NCKAP5L: variants seen among roughly 807,000 people sequenced by gnomAD.
NCKAP5L encodes the protein nck-associated protein 5-like.
In NCKAP5L, 54 loss-of-function variants were observed where a neutral mutation model predicts 103.2. That is an observed-to-expected ratio of 0.52 (90% CI 0.42 to 0.66). The LOEUF (loss-of-function observed/expected upper bound fraction) is 0.66, where lower values mean the gene tolerates loss of function less well. NCKAP5L is among the 30% of genes least tolerant of loss of function. The pLI is 0.00. For synonymous variants in NCKAP5L, 762 were observed against 748.6 expected (o/e 1.02, Z -0.29); for missense variants, 1,733 against 1,750.6 (o/e 0.99, Z 0.18).
chr12:49,825,131 G>C (rs1349668058), intron 1 of NCKAP5L, among the ~76,000 whole-genome samples: 1 of 152,230 alleles, frequency 6.6e-6, no homozygotes, highest in Non-Finnish European at 1.5e-5. Flanking sequence ...TTTTTAACAT[G>C]AGGGCGTTGG....
rs189423065 is a variant in NCKAP5L, at chr12:49,825,401, A to G, written c.-99+2921T>C. On this transcript the variant is annotated intron_variant, in intron 1 of 12. Coordinates refer to ENST00000335999, the MANE Select transcript of NCKAP5L (RefSeq NM_001037806.4). ...CTGAGAAGCAGGGGCTAGAAAGGGC[A>G]CTTGTTTTGAGAGATGCAGCTCTGG... Among the ~76,000 whole-genome samples the G allele has an allele frequency of 3.3e-5, 5 of 152,276 alleles. No individual in the cohort carries two copies. The East Asian group carries it at 9.6e-4, about 29-fold the overall frequency.
chr12:49,806,692 A>G (rs956390420), intron 1 of NCKAP5L, among the ~76,000 whole-genome samples: 11 of 152,222 alleles, frequency 7.2e-5, no homozygotes, highest in Non-Finnish European at 1.2e-4. Context: ...TCCTCTGCAC[A>G]CACCCAAGCT....
chr12:49,817,915 G>A (rs985712480), intron 1 of NCKAP5L, among the ~76,000 whole-genome samples: 1 of 152,134 alleles, frequency 6.6e-6, no homozygotes, highest in South Asian at 2.1e-4. Flanking sequence ...GATCACATGA[G>A]GTCAGGAGTT....
At chr12:49,820,879 G>A (rs574805713) in intron 1 of NCKAP5L, among the ~76,000 whole-genome samples, 164 of 152,274 alleles carry the variant, frequency 1.1e-3, no homozygotes, top group African/African-American at 3.3e-3. Flanking sequence ...CAGCCAAACC[G>A]CGTGACCCTA....
At chr12:49,808,357 G>C (rs1946203464) in intron 1 of NCKAP5L, among the ~76,000 whole-genome samples, 1 of 152,214 alleles carries the variant, frequency 6.6e-6, no homozygotes, top group Admixed American at 6.5e-5. Flanking sequence ...AGGGGGTCTG[G>C]GGTCAGCCCA....
In NCKAP5L at chr12:49,797,802, A is replaced by G. The variant is rs1429010841; in HGVS notation, c.466-408T>C. Reference sequence around the variant, plus strand: ...TCCAGAAGGGAGTGTGATGTGGCCAAGTCCTAAGTCAGTCACTATAGGCAA... The same window carrying G: ...TCCAGAAGGGAGTGTGATGTGGCCAGGTCCTAAGTCAGTCACTATAGGCAA... On this transcript the variant is annotated intron_variant, in intron 7 of 12. Coordinates refer to ENST00000335999, the MANE Select transcript of NCKAP5L (RefSeq NM_001037806.4). The surrounding 1 kb of genome is among the most constrained non-coding windows in gnomAD (Gnocchi z 4.5). Among the ~76,000 whole-genome samples the G allele has an allele frequency of 6.6e-6, 1 of 152,188 alleles. No individual in the cohort carries two copies. The highest frequency in any genetic ancestry group is 2.1e-4 in the South Asian group (1 of 4,832).
At chr12:49,821,795 A>C (rs1946364619) in intron 1 of NCKAP5L, among the ~76,000 whole-genome samples, 1 of 152,246 alleles carries the variant, frequency 6.6e-6, no homozygotes, top group African/African-American at 2.4e-5. Context: ...TGGCTGAATG[A>C]ACAGGCCGCT....
chr12:49,796,841 T>G lies in NCKAP5L; in HGVS notation c.1019A>C (p.Gln340Pro). The stretch of plus-strand genomic sequence containing the variant: ...GCCTGCAGCCCCGGCCAGGAAGGCC[T>G]GTAGGTAAGACTCTGTGTCCTCAAG... ...QLLEDTESYL[Q>P]AFLAGAAGPL... The change falls in exon 8 of 13, where the codon CAG becomes CCG. Residue 340 changes from glutamine to proline, a missense_variant. Physicochemically the swap from Gln to Pro is moderately conservative, Grantham distance 76. Transcript: ENST00000335999. 1.2e-6 allele frequency: 2 copies of G among 1,613,076 alleles called. No homozygotes were observed. The highest frequency in any genetic ancestry group is 2.2e-5 in the East Asian group (1 of 44,870).
chr12:49,826,350 AGGATG>A (rs1287250477), intron 1 of NCKAP5L, among the ~76,000 whole-genome samples: 1 of 152,196 alleles, frequency 6.6e-6, no homozygotes, highest in East Asian at 1.9e-4. Flanking sequence ...TCAAAGGGCC[AGGATG>A]TCTCACCACA....
At chr12:49,826,134 A>G (rs1946413732) in intron 1 of NCKAP5L, among the ~76,000 whole-genome samples, 1 of 124,718 alleles carries the variant, frequency 8.0e-6, no homozygotes. Flanking sequence ...TGAGTACAGC[A>G]GTGAGGTGGG....
chr12:49,822,085 T>C (rs1946367309), intron 1 of NCKAP5L, among the ~76,000 whole-genome samples: 1 of 152,102 alleles, frequency 6.6e-6, no homozygotes, highest in Non-Finnish European at 1.5e-5. Flanking sequence ...ATGAATGGGA[T>C]TAGTGCTCTT....
chr12:49,792,810 C>T lies in NCKAP5L; in HGVS notation c.3517G>A (p.Ala1173Thr), dbSNP rs766539226. ...PPPLTKVPRR[A>T]HTLEREVPGI... ...GGCACCTCCCGCTCCAGTGTGTGGG[C>T]GCGGCGGGGGACTTTGGTAAGGGGT... Residue 1173 changes from alanine (A) to threonine (T), a missense_variant, in exon 11 of 13, where the codon GCC (alanine) becomes ACC (threonine). Physicochemically the swap from Ala to Thr is moderately conservative, Grantham distance 58. Transcript: ENST00000335999. The surrounding 1 kb of genome is among the most constrained non-coding windows in gnomAD (Gnocchi z 4.5). The T allele has an allele frequency of 2.0e-5, 32 of 1,576,204 alleles. No individual in the cohort carries two copies. Among genetic ancestry groups the T allele is most frequent in the East Asian group, 1.1e-4 (5 of 43,562 alleles).
chr12:49,804,012 A>C lies in NCKAP5L; in HGVS notation c.33T>G (p.Gly11=), dbSNP rs1365357949. The C allele has an allele frequency of 1.2e-6, 2 of 1,611,802 alleles. No homozygotes were observed. Among genetic ancestry groups the C allele is most frequent in the South Asian group, 2.2e-5 (2 of 91,040 alleles). The change falls in exon 3 of 13, where the codon GGT becomes GGG. Residue 11 remains glycine, a synonymous_variant. Transcript: ENST00000335999. MSEAMDQPAG[G]PGNPRPGEGD... is the part of the protein sequence containing the mutation. ...CCTCTCCTGGCCTTGGGTTTCCAGG[A>C]CCCCCAGCTGGCTGGTCCATGGCCT...
At chr12:49,811,822 T>C (rs73309075) in intron 1 of NCKAP5L, among the ~76,000 whole-genome samples, 2,695 of 152,218 alleles carry the variant, frequency 0.018, 82 homozygotes, top group African/African-American at 0.062. Context: ...TTTTCCCAGA[T>C]ACTGCCAAAT....
rs1000918310 is a variant in NCKAP5L at position 49,795,257 on chromosome 12, G to A, written c.2603C>T (p.Thr868Ile). The change falls in exon 8 of 13, where the codon ACT becomes ATT. Residue 868 changes from threonine to isoleucine, a missense_variant. Thr to Ile is a moderately conservative substitution (Grantham distance 89). Transcript: ENST00000335999. ...CCCCTCAGGGCCCTGACTTGGGTCAGTGGGGCCAGGTACTAGGGGTGTGGA... is the reference window on the plus strand; with the variant it reads ...CCCCTCAGGGCCCTGACTTGGGTCAATGGGGCCAGGTACTAGGGGTGTGGA... ...AQSTPLVPGP[T>I]DPSQGPEGLA... 6.5e-7 allele frequency: 1 copy of A among 1,543,928 alleles called. No homozygotes were observed. Among genetic ancestry groups the A allele is most frequent in the African/African-American group, 1.4e-5 (1 of 72,590 alleles).
At chr12:49,794,437 G>A (rs1945990679) in intron 8 of NCKAP5L, among the ~76,000 whole-genome samples, 1 of 152,162 alleles carries the variant, frequency 6.6e-6, no homozygotes, top group Admixed American at 6.5e-5. Context: ...TGAGGGAGAA[G>A]ACCTTTATCA....
Position 49,796,756 on chromosome 12 carries a change from TG to T in NCKAP5L, c.1103del (p.Pro368HisfsTer63). 1.2e-6 allele frequency: 2 copies of T among 1,613,240 alleles called. No homozygotes were observed. Among genetic ancestry groups the T allele is most frequent in the Non-Finnish European group, 8.5e-7 (1 of 1,179,656 alleles). On this transcript the variant is annotated frameshift_variant, in exon 8 of 13. Coordinates refer to ENST00000335999, the MANE Select transcript of NCKAP5L (RefSeq NM_001037806.4). LOFTEE classifies it high-confidence loss of function. ...GQSSSPDQAP[P>X]QLSKSKGLPK... ...GGAGGCCTTTGGACTTAGACAGCTG[TG>T]GGGGCGCCTGGTCTGGGGAGGATGA...
At chr12:49,793,489 C>T (rs1945975082) in intron 9 of NCKAP5L, 56 bp from the exon 10 acceptor site, 2 of 1,550,620 alleles carry the variant, frequency 1.3e-6, no homozygotes, top group Non-Finnish European at 1.8e-6. Flanking sequence ...ACACCCCTCC[C>T]CATGCCTCTA....
chr12:49,826,896 G>A (rs1946422575), intron 1 of NCKAP5L, among the ~76,000 whole-genome samples: 1 of 152,192 alleles, frequency 6.6e-6, no homozygotes, highest in African/African-American at 2.4e-5. Flanking sequence ...GGAGAAAGAT[G>A]CTGGAGGGAC....
Sources: gnomAD v4.1 joint callset for allele counts (sites outside exome capture counted in the v4.1 genomes callset) on GRCh38, gnomAD v4.1.1 for gene constraint, Gnocchi (gnomAD v3.1) non-coding constraint, MANE v1.5 for transcripts, NCBI Gene and HGNC (gene_info 2026-07-23, HGNC 2026-07-21) for gene names.